Variants in NR2C1 observed in about 807,000 individuals in gnomAD.
The protein encoded by NR2C1 is nuclear receptor subfamily 2 group C member 1.
In NR2C1, 33 loss-of-function variants were observed where a neutral mutation model predicts 74.8. The ratio of observed to expected loss-of-function variants is 0.44; its 90% CI spans 0.33 to 0.59. The LOEUF (loss-of-function observed/expected upper bound fraction) is 0.59, where lower values mean the gene tolerates loss of function less well. NR2C1 is among the 20% of genes least tolerant of loss of function. The probability of loss-of-function intolerance (pLI) is 0.02; values close to 1 mark genes in which losing one functional copy is unlikely to be tolerated. For synonymous variants in NR2C1, 225 were observed against 240.6 expected, an observed-to-expected ratio of 0.94 and a Z score of 0.60; for missense variants, 568 against 715.6, an observed-to-expected ratio of 0.79 and a Z score of 2.35.
intron 1 of NR2C1, among the ~76,000 whole-genome samples, chr12:95,071,210 A>G (rs964048330): frequency 8.5e-5 from 13 of 152,300 alleles, no homozygotes; most frequent in Admixed American, 1.3e-4. Flanking sequence ...TCAAAAAAAA[A>G]AAAAAAAAAT....
intron 11 of NR2C1, chr12:95,030,905 G>A (rs758659831): frequency 6.5e-7 from 1 of 1,527,554 alleles, no homozygotes; most frequent in Non-Finnish European, 9.0e-7. Flanking sequence ...AAAAAGGATT[G>A]TTCCTGACTC....
chr12:95,026,459 A>G (rs1869380036), intron 12 of NR2C1, among the ~76,000 whole-genome samples: 1 of 152,192 alleles, frequency 6.6e-6, no homozygotes, highest in African/African-American at 2.4e-5. Context: ...ATAGCTTAAG[A>G]AATGTTGAAT....
chr12:95,040,803 T>C (rs561593851), intron 9 of NR2C1, among the ~76,000 whole-genome samples: 1 of 152,302 alleles, frequency 6.6e-6, no homozygotes, highest in Non-Finnish European at 1.5e-5. Flanking sequence ...AACAAGCCAA[T>C]ATTTAGACAA....
chr12:95,035,665 T>C (rs571983653), intron 10 of NR2C1, among the ~76,000 whole-genome samples: 6 of 152,188 alleles, frequency 3.9e-5, no homozygotes, highest in African/African-American at 1.4e-4. Context: ...GGAAAAGGAC[T>C]GTAGAAACCA....
At chr12:95,031,878 ATTGTTTTG>A (rs1870155417) in intron 10 of NR2C1, among the ~76,000 whole-genome samples, 1 of 152,166 alleles carries the variant, frequency 6.6e-6, no homozygotes, top group Non-Finnish European at 1.5e-5. Flanking sequence ...AAATTATTTT[ATTGTTTTG>A]AGACAGAGTC....
chr12:95,072,466 A>AG (rs1346873403), intron 1 of NR2C1, among the ~76,000 whole-genome samples: 2 of 150,514 alleles, frequency 1.3e-5, no homozygotes, highest in Non-Finnish European at 3.0e-5. Context: ...AAAAAAAAAA[A>AG]AAAAAAAAGA....
intron 1 of NR2C1, among the ~76,000 whole-genome samples, chr12:95,070,119 G>GTT (rs1042885692): frequency 1.3e-5 from 2 of 148,182 alleles, no homozygotes; most frequent in African/African-American, 2.5e-5. Flanking sequence ...AAATTTACAA[G>GTT]TTTTTTTTGT....
At chr12:95,049,032 C>T (rs757303553) in intron 9 of NR2C1, 36 bp downstream of exon 9, 4 of 1,575,894 alleles carry the variant, frequency 2.5e-6, no homozygotes, top group Non-Finnish European at 2.6e-6. Flanking sequence ...AATCAAGCAA[C>T]ACAACATACA....
intron 7 of NR2C1, 152 bp from the exon 8 acceptor site, chr12:95,052,095 T>C: frequency 2.0e-6 from 1 of 507,788 alleles, no homozygotes; most frequent in Non-Finnish European, 3.4e-6. Context: ...AGAAATTTAC[T>C]GAGGAAAATA....
intron 10 of NR2C1, among the ~76,000 whole-genome samples, chr12:95,040,203 T>C (rs1391615977): frequency 1.3e-5 from 2 of 152,156 alleles, no homozygotes; most frequent in African/African-American, 2.4e-5. Context: ...TGAGGCCTGT[T>C]ACAAATGCTA....
chr12:95,040,517 T>G lies in NR2C1; in HGVS notation c.1212A>C (p.Ser404=). 1 of 1,613,942 alleles carries G rather than the reference T, an allele frequency of 6.2e-7. No homozygotes were observed. Among genetic ancestry groups the G allele is most frequent in the Non-Finnish European group, 8.5e-7 (1 of 1,179,902 alleles). Reference sequence around the variant, plus strand: ...AAGGAATCGAAAGTGCCCAGTGCATTGATAAGAACAGCAGTCTGGAGGCAG... The same window carrying G: ...AAGGAATCGAAAGTGCCCAGTGCATGGATAAGAACAGCAGTCTGGAGGCAG... The part of the protein sequence containing the change: ...GESASRLLFL[S]MHWALSIPSF... Residue 404 remains serine (S), a synonymous_variant, in exon 10 of 14, where the codon TCA becomes TCC. Coordinates refer to ENST00000333003, the MANE Select transcript of NR2C1 (RefSeq NM_003297.4).
At chr12:95,050,694 G>A (rs1019582787) in intron 8 of NR2C1, among the ~76,000 whole-genome samples, 6 of 151,496 alleles carry the variant, frequency 4.0e-5, no homozygotes, top group Non-Finnish European at 8.8e-5. Context: ...AGGCTGAAGT[G>A]ATCTTCCCGC....
intron 10 of NR2C1, among the ~76,000 whole-genome samples, chr12:95,038,993 A>G (rs1871191311): frequency 6.6e-6 from 1 of 152,168 alleles, no homozygotes; most frequent in South Asian, 2.1e-4. Context: ...CCTGTATGGG[A>G]GGCATCCATA....
intron 13 of NR2C1, among the ~76,000 whole-genome samples, chr12:95,022,977 A>G (rs1868940505): frequency 6.6e-6 from 1 of 151,532 alleles, no homozygotes; most frequent in Non-Finnish European, 1.5e-5. Flanking sequence ...TACTGAGATT[A>G]TAAGCGTGAG....
intron 2 of NR2C1, 199 bp from the exon 3 acceptor site, chr12:95,062,937 T>C (rs937146121): frequency 1.8e-6 from 1 of 567,932 alleles, no homozygotes; most frequent in Non-Finnish European, 3.1e-6. Flanking sequence ...TAAGAACATT[T>C]TGACCTCACT....
intron 5 of NR2C1, 147 bp from the exon 6 acceptor site, chr12:95,058,025 G>T (rs925871334): frequency 9.7e-5 from 77 of 790,290 alleles, no homozygotes; most frequent in Non-Finnish European, 1.2e-5. Context: ...TAGAAATTAT[G>T]TGCAAGTTCA....
chr12:95,069,239 T>A (rs1187193640), intron 1 of NR2C1, among the ~76,000 whole-genome samples: 1 of 152,198 alleles, frequency 6.6e-6, no homozygotes, highest in African/African-American at 2.4e-5. Context: ...AGAAGTCACC[T>A]CCTAATGAAA....
At chr12:95,049,661 A>ATATATATG (rs1872730583) in intron 8 of NR2C1, among the ~76,000 whole-genome samples, 8 of 152,122 alleles carry the variant, frequency 5.3e-5, no homozygotes, top group Non-Finnish European at 1.2e-4. Flanking sequence ...ATATATATAT[A>ATATATATG]TATGATACTA....
rs59508349 is a variant in NR2C1 at position 95,055,027 on chromosome 12, C to A, written c.783+2526G>T. 6.5e-3 allele frequency among the ~76,000 whole-genome samples: 983 copies of A among 152,280 alleles called. 12 individuals are homozygous for A. Among genetic ancestry groups the A allele is most frequent in the African/African-American group, 0.022 (928 of 41,548 alleles). The stretch of plus-strand genomic sequence containing the variant: ...CTTGCACCGCCCTTAATCCATTTAA[C>A]CCTGAGTGGACACAGCACATGTTTC... On this transcript the variant is annotated intron_variant, in intron 7 of 13. Transcript: ENST00000333003.
Sources: gnomAD v4.1 joint callset for allele counts (sites outside exome capture counted in the v4.1 genomes callset) on GRCh38, gnomAD v4.1.1 for gene constraint, MANE v1.5 for transcripts, NCBI Gene and HGNC (gene_info 2026-07-23, HGNC 2026-07-21) for gene names.